The following ADIPOR2 variants were observed in gnomAD, a reference collection of about 807,000 sequenced individuals.
ADIPOR2 encodes the protein adiponectin receptor protein 2.
ADIPOR2 carries 18 observed loss-of-function variants against 40.9 expected under a neutral mutation model. The observed-to-expected ratio is 0.44, with a 90% CI of 0.30 to 0.65. The LOEUF (loss-of-function observed/expected upper bound fraction) is 0.65. Among genes scored for constraint, ADIPOR2 ranks in the 30% least tolerant of loss-of-function variants. The pLI, the probability that ADIPOR2 is intolerant of heterozygous loss-of-function variation, is 0.09. For missense variants in ADIPOR2, 283 were observed against 479.2 expected (o/e 0.59, Z 3.82); for synonymous variants, 165 against 166.4 (o/e 0.99, Z 0.06).
intron 6 of ADIPOR2, among the ~76,000 whole-genome samples, chr12:1,782,446 G>C (rs1381875282): frequency 6.6e-6 from 1 of 152,192 alleles, no homozygotes. Flanking sequence ...GGCAGAGGCA[G>C]GGAGCTCCTG....
At chr12:1,784,113 C>A in intron 7 of ADIPOR2, 40 bp downstream of exon 7, 1 of 1,479,138 alleles carries the variant, frequency 6.8e-7, no homozygotes, top group South Asian at 1.4e-5. Context: ...GGTATCTGCT[C>A]ATGAGTTATT....
At chr12:1,782,609 A>G (rs1311514017) in intron 6 of ADIPOR2, among the ~76,000 whole-genome samples, 2 of 152,252 alleles carry the variant, frequency 1.3e-5, no homozygotes, top group Admixed American at 6.5e-5. Context: ...TTAACAAAAT[A>G]GTATTTAATC....
intron 1 of ADIPOR2, among the ~76,000 whole-genome samples, chr12:1,750,011 A>G (rs1362774991): frequency 1.3e-5 from 2 of 149,412 alleles, no homozygotes; most frequent in East Asian, 3.9e-4. Flanking sequence ...CTAACTTTTA[A>G]TTTTTTTTTA....
At chr12:1,772,314 ATACT>A (rs1157417048) in intron 2 of ADIPOR2, among the ~76,000 whole-genome samples, 2 of 152,236 alleles carry the variant, frequency 1.3e-5, no homozygotes, top group Admixed American at 6.5e-5. Flanking sequence ...GGGAATGAGA[ATACT>A]TACTTAATAA....
chr12:1,769,316 C>A (rs1862448949), intron 2 of ADIPOR2, among the ~76,000 whole-genome samples: 1 of 152,142 alleles, frequency 6.6e-6, no homozygotes, highest in African/African-American at 2.4e-5. Flanking sequence ...CACTGTATTC[C>A]TACTTTATCC....
intron 1 of ADIPOR2, among the ~76,000 whole-genome samples, chr12:1,739,047 C>G (rs966716904): frequency 6.6e-6 from 1 of 152,026 alleles, no homozygotes; most frequent in Non-Finnish European, 1.5e-5. Context: ...TTTAAAAAAA[C>G]TTCAAAAAAT....
chr12:1,780,544 T>G lies in ADIPOR2; in HGVS notation c.557T>G (p.Leu186Ter). 6.2e-7 allele frequency: 1 copy of G among 1,614,008 alleles called. No individual in the cohort carries two copies. The highest frequency in any genetic ancestry group is 8.5e-7 in the Non-Finnish European group (1 of 1,179,944). The change falls in exon 5 of 8, where the codon TTA (leucine) becomes TGA (stop). Residue 186 changes from leucine to a stop codon, truncating the protein, a stop_gained. Coordinates refer to ENST00000357103, the MANE Select transcript of ADIPOR2 (RefSeq NM_024551.3). LOFTEE classifies it high-confidence loss of function. ...APLQEKVVFG[L>*]FFLGAILCLS... ...CTGCAAGAGAAGGTGGTCTTTGGAT[T>G]ATTTTTCTTAGGAGCCATTCTCTGC...
chr12:1,735,984 G>A, intron 1 of ADIPOR2, among the ~76,000 whole-genome samples: 1 of 152,178 alleles, frequency 6.6e-6, no homozygotes, highest in East Asian at 1.9e-4. Flanking sequence ...ATGTGCTGCT[G>A]GATTCGGTTT....
At chr12:1,777,783 G>A (rs557246863) in intron 3 of ADIPOR2, 71 bp from the exon 4 acceptor site, 3 of 1,432,374 alleles carry the variant, frequency 2.1e-6, no homozygotes, top group East Asian at 4.6e-5. Context: ...ATAAGACACA[G>A]TTGTTAGGGG....
In ADIPOR2 at chr12:1,754,487, A is replaced by G. The variant is rs1862069724; in HGVS notation, c.144A>G (p.Ala48=). ...GAGATTTGGAGCCCATTTTAGAGGCATCTGTTCTATCTTCCCATCATAAAA... is the reference window on the plus strand; with the variant it reads ...GAGATTTGGAGCCCATTTTAGAGGCGTCTGTTCTATCTTCCCATCATAAAA... The part of the protein sequence containing the change: ...HQGDLEPILE[A]SVLSSHHKKS... The change falls in exon 2 of 8, where the codon GCA becomes GCG. Residue 48 remains alanine, a synonymous_variant. Coordinates refer to ENST00000357103, the MANE Select transcript of ADIPOR2 (RefSeq NM_024551.3). 2 of 1,608,506 alleles carry G rather than the reference A, an allele frequency of 1.2e-6. No individual in the cohort carries two copies. The highest frequency in any genetic ancestry group is 1.1e-5 in the South Asian group (1 of 89,820).
chr12:1,730,690 A>G (rs2094718393), intron 1 of ADIPOR2: 1 of 151,544 alleles, frequency 6.6e-6, no homozygotes, highest in Non-Finnish European at 1.5e-5. Flanking sequence ...AGCTCTCTAT[A>G]TTGTTCTCTA....
At chr12:1,693,976 G>C (rs1156972391) in intron 1 of ADIPOR2, among the ~76,000 whole-genome samples, 1 of 152,182 alleles carries the variant, frequency 6.6e-6, no homozygotes, top group Non-Finnish European at 1.5e-5. Context: ...GATTTAAAAA[G>C]AAAATCCAGG....
intron 1 of ADIPOR2, among the ~76,000 whole-genome samples, chr12:1,742,102 C>A (rs1004670869): frequency 2.0e-5 from 3 of 152,002 alleles, no homozygotes; most frequent in Admixed American, 6.6e-5. Flanking sequence ...ACTTTTCTCT[C>A]TCTCTTTTTT....
intron 1 of ADIPOR2, among the ~76,000 whole-genome samples, chr12:1,718,445 A>G (rs1268388489): frequency 3.3e-5 from 5 of 152,066 alleles, no homozygotes; most frequent in African/African-American, 9.7e-5. Context: ...AGGTGACAAA[A>G]CAAATTCAGA....
At chr12:1,717,030 T>A (rs2154441962) in intron 1 of ADIPOR2, among the ~76,000 whole-genome samples, 1 of 152,284 alleles carries the variant, frequency 6.6e-6, no homozygotes, top group East Asian at 1.9e-4. Context: ...TATTCTGACT[T>A]TGGATATAAA....
chr12:1,704,055 ATTTTTTTTTTTT>A (rs57190793), intron 1 of ADIPOR2, among the ~76,000 whole-genome samples: 1 of 67,536 alleles, frequency 1.5e-5, no homozygotes, highest in Non-Finnish European at 2.8e-5. Context: ...TCTACCTGGA[ATTTTTTTTTTTT>A]TTTTTTTTTT....
At chr12:1,783,103 G>A (rs1460981102) in intron 6 of ADIPOR2, among the ~76,000 whole-genome samples, 1 of 150,642 alleles carries the variant, frequency 6.6e-6, no homozygotes, top group Non-Finnish European at 1.5e-5. Context: ...AAAGTGCTGG[G>A]ATTACAGGTG....
intron 2 of ADIPOR2, among the ~76,000 whole-genome samples, chr12:1,770,587 T>A (rs1862476731): frequency 6.6e-6 from 1 of 152,252 alleles, no homozygotes; most frequent in Non-Finnish European, 1.5e-5. Context: ...GGCACAGCCC[T>A]CATTAACTTA....
rs992434239 is a variant in ADIPOR2, at chr12:1,778,325, A to G, written c.463+300A>G. ...TCATATTGTAGTGACCACTGAGAAG[A>G]AAGTATTATTTAATAGAAGTAATCT... On this transcript the variant is annotated intron_variant, in intron 4 of 7. Transcript: ENST00000357103. The G allele has an allele frequency of 1.3e-5, 3 of 223,774 alleles. No individual in the cohort carries two copies. In the South Asian group the frequency reaches 2.3e-4, roughly 17 times the overall value. 13.9% of individuals were successfully genotyped at this position (223,774 alleles called of 1,614,324 possible). A position where few individuals can be genotyped will look rare whatever the true frequency, so the allele number is the denominator to read the frequency against.
Sources: gnomAD v4.1 joint callset for allele counts (sites outside exome capture counted in the v4.1 genomes callset) on GRCh38, gnomAD v4.1.1 for gene constraint, MANE v1.5 for transcripts, NCBI Gene and HGNC (gene_info 2026-07-23, HGNC 2026-07-21) for gene names.